Variants in TRIM24 observed in about 807,000 individuals in gnomAD.
TRIM24 encodes tripartite motif containing 24.
A neutral mutation model predicts 123.9 loss-of-function variants in TRIM24; 29 were observed. The ratio of observed to expected loss-of-function variants is 0.23; its 90% CI spans 0.17 to 0.32. The LOEUF (loss-of-function observed/expected upper bound fraction) is 0.32, where lower values mean the gene tolerates loss of function less well. TRIM24 is among the 10% of genes least tolerant of loss of function. The pLI is 1.00. For synonymous variants in TRIM24, 456 were observed against 461.1 expected (o/e 0.99, Z 0.14); for missense variants, 932 against 1,295.3 (o/e 0.72, Z 4.31).
chr7:138,517,389 T>A (rs1357276956), intron 3 of TRIM24, among the ~76,000 whole-genome samples: 1 of 152,126 alleles, frequency 6.6e-6, no homozygotes, highest in Non-Finnish European at 1.5e-5. Flanking sequence ...TTTGTTTTTT[T>A]AGACAGAATC....
chr7:138,461,764 TA>T (rs1304749919), intron 1 of TRIM24, among the ~76,000 whole-genome samples: 2 of 152,246 alleles, frequency 1.3e-5, no homozygotes, highest in Non-Finnish European at 2.9e-5. Flanking sequence ...TAAATTTTAT[TA>T]TTGCAAATAT....
intron 9 of TRIM24, among the ~76,000 whole-genome samples, chr7:138,562,403 A>G (rs1797445673): frequency 6.6e-6 from 1 of 152,184 alleles, no homozygotes; most frequent in Non-Finnish European, 1.5e-5. Flanking sequence ...ATCAAAGTAT[A>G]TGGGTTTGGT....
At chr7:138,543,067 C>T (rs1350734535) in intron 7 of TRIM24, among the ~76,000 whole-genome samples, 1 of 152,172 alleles carries the variant, frequency 6.6e-6, no homozygotes, top group African/African-American at 2.4e-5. Context: ...GTGTAAGACA[C>T]ATTCATGCAA....
chr7:138,485,275 T>C (rs904136742), intron 1 of TRIM24, among the ~76,000 whole-genome samples: 1 of 152,180 alleles, frequency 6.6e-6, no homozygotes, highest in Non-Finnish European at 1.5e-5. Flanking sequence ...TATATAATTC[T>C]GTGGCATTAA....
rs77546595 is a variant in TRIM24, at chr7:138,516,813, G to GTTT, written c.631+1468_631+1470dup. ...TATCAAAATGTAGCAAAACCGTTTT[G>GTTT]TTTTTTTTTTTTTTTTGAGACTAGT... On this transcript the variant is annotated intron_variant, in intron 3 of 18. Transcript: ENST00000343526. 4.5e-4 allele frequency among the ~76,000 whole-genome samples: 59 copies of GTTT among 132,436 alleles called. No homozygotes were observed. The South Asian group carries it at 0.012, about 26-fold the overall frequency. The allele number at this position is 132,436 out of a possible 152,430, so 86.9% of individuals were successfully genotyped here. A position where few individuals can be genotyped will look rare whatever the true frequency, so the allele number is the denominator to read the frequency against.
chr7:138,579,270 G>C lies in TRIM24; in HGVS notation c.2323G>C (p.Glu775Gln). Residue 775 changes from glutamate to glutamine, a missense_variant, in exon 15 of 19, where the codon GAG becomes CAG. Physicochemically the swap from Glu to Gln is conservative, Grantham distance 29. Around this residue, in one of 7 missense-constraint regions of TRIM24, gnomAD observed 527 missense variants for 691.3 expected, o/e 0.76. Transcript: ENST00000343526. Reference sequence around the variant, plus strand: ...TAGCAGTCAGAGCTCTACTTCTGAGGAGACTGTGCTAAGATCAGATGCCCC... The same window carrying C: ...TAGCAGTCAGAGCTCTACTTCTGAGCAGACTGTGCTAAGATCAGATGCCCC... ...LNSSQSSTSE[E>Q]TVLRSDAPDS... 3 of 1,614,066 alleles carry C rather than the reference G, an allele frequency of 1.9e-6. No individual in the cohort carries two copies. The highest frequency in any genetic ancestry group is 2.5e-6 in the Non-Finnish European group (3 of 1,179,958).
intron 1 of TRIM24, among the ~76,000 whole-genome samples, chr7:138,502,411 A>G (rs1008913179): frequency 6.6e-6 from 1 of 152,204 alleles, no homozygotes; most frequent in African/African-American, 2.4e-5. Context: ...ATCATGTATT[A>G]CTCTTTTATA....
chr7:138,504,426 T>G lies in TRIM24; in HGVS notation c.483+18T>G, dbSNP rs1479971364. 8.0e-7 allele frequency: 1 copy of G among 1,255,242 alleles called. No homozygotes were observed. The highest frequency in any genetic ancestry group is 1.1e-6 in the Non-Finnish European group (1 of 925,202). 77.8% of individuals were successfully genotyped at this position (1,255,242 alleles called of 1,614,324 possible). A position where few individuals can be genotyped will look rare whatever the true frequency, so the allele number is the denominator to read the frequency against. On this transcript the variant is annotated intron_variant, in intron 2 of 18. Transcript: ENST00000343526. ...CAAATCAGGTAAGTGTATTACATCT[T>G]GAACCTTTTGCCTGCCAGCTCTTTT... is the stretch of plus-strand genomic sequence containing the variant.
intron 2 of TRIM24, 36 bp downstream of exon 2, chr7:138,504,444 G>C: frequency 6.4e-6 from 4 of 623,876 alleles, no homozygotes; most frequent in Non-Finnish European, 4.9e-6. Context: ...TTGCCTGCCA[G>C]CTCTTTTTTT....
chr7:138,465,498 A>G (rs549172183), intron 1 of TRIM24, among the ~76,000 whole-genome samples: 2 of 152,336 alleles, frequency 1.3e-5, no homozygotes, highest in Admixed American at 6.5e-5. Flanking sequence ...TTGAAGAGCT[A>G]TTTTTAACAA....
intron 17 of TRIM24, among the ~76,000 whole-genome samples, chr7:138,582,415 G>A (rs1206037891): frequency 1.3e-5 from 2 of 151,994 alleles, no homozygotes; most frequent in African/African-American, 4.8e-5. Flanking sequence ...GGTGGCAGGC[G>A]CCTGTAGTCC....
At chr7:138,530,180 C>G (rs151091179) in intron 6 of TRIM24, among the ~76,000 whole-genome samples, 531 of 151,212 alleles carry the variant, frequency 3.5e-3, no homozygotes, top group African/African-American at 0.012. Flanking sequence ...TGGGCAGGAA[C>G]AATCAGACCC....
chr7:138,460,768 C>T lies in TRIM24; in HGVS notation c.220C>T (p.Leu74=), dbSNP rs201426181. 6.3e-7 allele frequency: 1 copy of T among 1,583,820 alleles called. No homozygotes were observed. Among genetic ancestry groups the T allele is most frequent in the East Asian group, 2.4e-5 (1 of 41,076 alleles). ...QSRAPKLLPC[L]HSFCQRCLPA... Reference sequence around the variant, plus strand: ...CCGGGCGCCCAAGCTGCTGCCCTGCCTGCACTCTTTCTGCCAGCGCTGCCT... The same window carrying T: ...CCGGGCGCCCAAGCTGCTGCCCTGCTTGCACTCTTTCTGCCAGCGCTGCCT... Residue 74 remains leucine (L), a synonymous_variant, in exon 1 of 19, where the codon CTG becomes TTG. Transcript: ENST00000343526.
At chr7:138,504,140 A>G in intron 1 of TRIM24, 150 bp from the exon 2 acceptor site, 1 of 459,316 alleles carries the variant, frequency 2.2e-6, no homozygotes, top group African/African-American at 2.0e-5. Flanking sequence ...AAATTAGTAT[A>G]TTTACATAGA....
At chr7:138,568,379 CTTT>C (rs60386130) in intron 10 of TRIM24, among the ~76,000 whole-genome samples, 855 of 68,626 alleles carry the variant, frequency 0.012, 23 homozygotes, top group African/African-American at 0.047. Flanking sequence ...ACCTGGCCTC[CTTT>C]TTTTTTTTTT....
intron 12 of TRIM24, among the ~76,000 whole-genome samples, chr7:138,575,726 T>G (rs1797744644): frequency 6.6e-6 from 1 of 152,124 alleles, no homozygotes; most frequent in Non-Finnish European, 1.5e-5. Flanking sequence ...TCCTTCTTTC[T>G]TGGCTGCTTT....
chr7:138,508,692 T>TGTGCGCACGCGCGC (rs1422176564), intron 2 of TRIM24, among the ~76,000 whole-genome samples: 18 of 137,212 alleles, frequency 1.3e-4, no homozygotes, highest in Non-Finnish European at 1.9e-4. Flanking sequence ...TGTGTGTGTG[T>TGTGCGCACGCGCGC]GCGCGCGCGT....
rs115530656 is a variant in TRIM24, at chr7:138,559,221, G to A, written c.1530+4255G>A. Among the ~76,000 whole-genome samples the A allele has an allele frequency of 6.8e-3, 1,028 of 152,152 alleles. 4 individuals carry two copies. The highest frequency in any genetic ancestry group is 0.019 in the African/African-American group (798 of 41,508). ...CACAAGTTCCTAAGTGGCTCCCTGC[G>A]CACTCATAATAAATATAGTACAGCA... On this transcript the variant is annotated intron_variant, in intron 9 of 18. Transcript: ENST00000343526.
At position 138,576,399 on chromosome 7, in the gene TRIM24, C is replaced by T. The variant is rs984341428; in HGVS notation, c.2041C>T (p.Pro681Ser). ...ACCTGTTACTATGACTAGTGTACAC[C>T]CCCCAATACGTTCACCTAGTGCCTC... ...AGPVTMTSVH[P>S]PIRSPSASSV... The change falls in exon 13 of 19, where the codon CCC becomes TCC. Residue 681 changes from proline to serine, a missense_variant. Transcript: ENST00000343526. 1.2e-6 allele frequency: 2 copies of T among 1,613,624 alleles called. No homozygotes were observed. The highest frequency in any genetic ancestry group is 1.7e-5 in the Admixed American group (1 of 59,994).
Sources: gnomAD v4.1 joint callset for allele counts (sites outside exome capture counted in the v4.1 genomes callset) on GRCh38, gnomAD v4.1.1 for gene constraint, gnomAD v4.1.1 regional missense constraint, MANE v1.5 for transcripts, NCBI Gene and HGNC (gene_info 2026-07-23, HGNC 2026-07-21) for gene names.